Variants in RORA observed in about 807,000 individuals in gnomAD.
The protein encoded by RORA is nuclear receptor ROR-alpha.
In RORA, 7 loss-of-function variants were observed where a neutral mutation model predicts 69.5. The ratio of observed to expected loss-of-function variants is 0.10; its 90% CI spans 0.06 to 0.19. The LOEUF (loss-of-function observed/expected upper bound fraction) is 0.19. Among genes scored for constraint, RORA ranks in the 10% least tolerant of loss-of-function variants. The probability of loss-of-function intolerance (pLI) is 1.00; values close to 1 mark genes in which losing one functional copy is unlikely to be tolerated. For missense variants in RORA, 457 were observed against 663.0 expected, an observed-to-expected ratio of 0.69 and a Z score of 3.41; for synonymous variants, 261 against 240.8, an observed-to-expected ratio of 1.08 and a Z score of -0.78.
At chr15:61,030,766 T>C (rs903622419) in intron 1 of RORA, among the ~76,000 whole-genome samples, 11 of 152,154 alleles carry the variant, frequency 7.2e-5, no homozygotes, top group Admixed American at 4.6e-4. Context: ...GTTGCGTGTA[T>C]ATCCAACTTA....
At position 61,142,025 on chromosome 15, in the gene RORA, A is replaced by G. The variant is rs141747816; in HGVS notation, c.166+87028T>C. On this transcript the variant is annotated intron_variant, in intron 1 of 10. Transcript: ENST00000335670. ...GGGAAAGCCTCTGAACAAAGTACAA[A>G]GAAGGGAACAGAAGGAACTAAGACA... is the stretch of plus-strand genomic sequence containing the variant. Among the ~76,000 whole-genome samples, 80 of 152,028 alleles carry G rather than the reference A, an allele frequency of 5.3e-4. 1 individual carries two copies. The highest frequency in any genetic ancestry group is 2.0e-4 in the Admixed American group (3 of 15,184).
chr15:61,122,600 A>T (rs761163050), intron 1 of RORA, among the ~76,000 whole-genome samples: 15 of 152,168 alleles, frequency 9.9e-5, no homozygotes, highest in Non-Finnish European at 2.1e-4. Flanking sequence ...CCTACGGAGG[A>T]TATCACTTTT....
intron 1 of RORA, among the ~76,000 whole-genome samples, chr15:61,111,092 G>C (rs895877037): frequency 3.3e-5 from 5 of 152,316 alleles, no homozygotes; most frequent in East Asian, 1.9e-4. Flanking sequence ...AGAAAAGTGA[G>C]ACCAGAGATA....
chr15:60,646,943 G>C (rs981133913), intron 2 of RORA, among the ~76,000 whole-genome samples: 4 of 152,192 alleles, frequency 2.6e-5, no homozygotes, highest in Non-Finnish European at 4.4e-5. Flanking sequence ...ACAAAGTGCA[G>C]CATACACGCA....
intron 1 of RORA, among the ~76,000 whole-genome samples, chr15:60,788,617 G>A (rs911386295): frequency 2.0e-5 from 3 of 152,206 alleles, no homozygotes; most frequent in African/African-American, 7.2e-5. Flanking sequence ...GCCTGGCCTA[G>A]CTTGGCCTGT....
At chr15:60,523,009 G>T (rs1450472002) in intron 3 of RORA, among the ~76,000 whole-genome samples, 1 of 149,374 alleles carries the variant, frequency 6.7e-6, no homozygotes, top group Non-Finnish European at 1.5e-5. Context: ...CTGCACTCCA[G>T]CCTGGGCAAC....
chr15:61,184,093 G>A (rs940121103), intron 1 of RORA, among the ~76,000 whole-genome samples: 1 of 152,204 alleles, frequency 6.6e-6, no homozygotes, highest in Non-Finnish European at 1.5e-5. Context: ...CTGAACAGCT[G>A]ATGTGAGAAT....
At chr15:60,500,677 T>C (rs2065304006) in intron 9 of RORA, among the ~76,000 whole-genome samples, 1 of 152,210 alleles carries the variant, frequency 6.6e-6, no homozygotes, top group Non-Finnish European at 1.5e-5. Flanking sequence ...ACAGCATTTC[T>C]CTTGGTATCA....
At chr15:60,892,475 G>T (rs1429769668) in intron 1 of RORA, among the ~76,000 whole-genome samples, 1 of 152,066 alleles carries the variant, frequency 6.6e-6, no homozygotes, top group African/African-American at 2.4e-5. Context: ...GTTTTCTCCT[G>T]CCCAATCCTC....
At chr15:61,055,392 A>G (rs940125752) in intron 1 of RORA, among the ~76,000 whole-genome samples, 9 of 152,144 alleles carry the variant, frequency 5.9e-5, no homozygotes, top group Non-Finnish European at 1.3e-4. Flanking sequence ...GTGAGAATTA[A>G]TATTTATTTT....
chr15:60,981,311 G>A (rs1382930813), intron 1 of RORA, among the ~76,000 whole-genome samples: 2 of 151,724 alleles, frequency 1.3e-5, no homozygotes, highest in East Asian at 1.9e-4. Context: ...TATCTTACTT[G>A]GAGTTCATTG....
Position 60,763,065 on chromosome 15 carries a change from ATTTTTTTT to A in RORA, c.167-84387_167-84380del, listed in dbSNP as rs374433414. ...AAAGTACTGTTTCCAATATGCACAGATTTTTTTTTTTTTTTTTTTTTTTTTTTTTTTAA... is the reference window on the plus strand; with the variant it reads ...AAAGTACTGTTTCCAATATGCACAGATTTTTTTTTTTTTTTTTTTTTTTAA... On this transcript the variant is annotated intron_variant, in intron 1 of 10. Transcript: ENST00000335670. Among the ~76,000 whole-genome samples, 190 of 48,376 alleles carry A rather than the reference ATTTTTTTT, an allele frequency of 3.9e-3. 4 individuals carry two copies. The highest frequency in any genetic ancestry group is 0.029 in the East Asian group (42 of 1,446). 31.7% of individuals were successfully genotyped at this position (48,376 alleles called of 152,430 possible). A position where few individuals can be genotyped will look rare whatever the true frequency, so the allele number is the denominator to read the frequency against.
At position 61,213,629 on chromosome 15, in the gene RORA, G is replaced by A. The variant is rs80314531; in HGVS notation, c.166+15424C>T. On this transcript the variant is annotated intron_variant, in intron 1 of 10. Coordinates refer to ENST00000335670, the MANE Select transcript of RORA (RefSeq NM_134261.3). This position sits in a 1 kb window ranked among gnomAD's most constrained non-coding sequence, Gnocchi z 4.1. Reference sequence around the variant, plus strand: ...GAATCTCCTCATTTTTCTAAAACCCGGGCAGGCATAACCACCTCAGTGAGC... The same window carrying A: ...GAATCTCCTCATTTTTCTAAAACCCAGGCAGGCATAACCACCTCAGTGAGC... Among the ~76,000 whole-genome samples the A allele has an allele frequency of 1.0e-3, 156 of 152,060 alleles. No individual in the cohort carries two copies. The Middle Eastern group carries it at 0.02, about 20-fold the overall frequency.
Position 60,901,356 on chromosome 15 carries a change from G to C in RORA, c.167-222670C>G, listed in dbSNP as rs148114827. 3.3e-3 allele frequency among the ~76,000 whole-genome samples: 495 copies of C among 152,268 alleles called. 16 individuals carry two copies. The East Asian group carries it at 0.065, about 20-fold the overall frequency. On this transcript the variant is annotated intron_variant, in intron 1 of 10. Transcript: ENST00000335670. ...CCAGCTAATTTTTGTACTTTTAGTAGAGATGGGGTTTCGCCATGCTGGCCA... is the reference window on the plus strand; with the variant it reads ...CCAGCTAATTTTTGTACTTTTAGTACAGATGGGGTTTCGCCATGCTGGCCA...
chr15:60,841,853 C>T (rs1045512444), intron 1 of RORA, among the ~76,000 whole-genome samples: 2 of 152,194 alleles, frequency 1.3e-5, no homozygotes, highest in Non-Finnish European at 2.9e-5. Context: ...TGTAAAACAG[C>T]CTCAAACCTT....
chr15:61,116,223 C>T lies in RORA; in HGVS notation c.166+112830G>A, dbSNP rs559856696. Among the ~76,000 whole-genome samples the T allele has an allele frequency of 3.7e-4, 56 of 152,158 alleles. No homozygotes were observed. In the South Asian group the frequency reaches 7.7e-3, roughly 21 times the overall value. On this transcript the variant is annotated intron_variant, in intron 1 of 10. Transcript: ENST00000335670. ...GGTACAGATGGCATTGGAATGAAGA[C>T]GGTGAATATAGGAATGCAAATTAGT...
At chr15:61,038,015 T>C (rs782963) in intron 1 of RORA, among the ~76,000 whole-genome samples, 149,864 of 152,274 alleles carry the variant, frequency 0.98, 73,798 homozygotes, top group Middle Eastern at 1. Context: ...CATGGGTGTG[T>C]TTAAGATTTG....
At chr15:60,625,589 G>A (rs1343735203) in intron 2 of RORA, among the ~76,000 whole-genome samples, 2 of 152,206 alleles carry the variant, frequency 1.3e-5, no homozygotes, top group Non-Finnish European at 2.9e-5. Context: ...AACGTCTGGT[G>A]TATCATTAAA....
intron 1 of RORA, among the ~76,000 whole-genome samples, chr15:61,032,748 T>A (rs1896239138): frequency 6.6e-6 from 1 of 152,168 alleles, no homozygotes; most frequent in South Asian, 2.1e-4. Flanking sequence ...TCATACAAGA[T>A]CATAAACTAG....
Sources: allele counts gnomAD v4.1 joint callset (sites outside exome capture counted in the v4.1 genomes callset), GRCh38; gene constraint gnomAD v4.1.1; non-coding constraint Gnocchi (gnomAD v3.1); transcripts MANE v1.5; gene names NCBI Gene and HGNC (gene_info 2026-07-23, HGNC 2026-07-21).